The following NEK7 variants were observed in gnomAD, a reference collection of about 807,000 sequenced individuals.
The protein encoded by NEK7 is NIMA related kinase 7.
A neutral mutation model predicts 44.6 loss-of-function variants in NEK7; 18 were observed. The ratio of observed to expected loss-of-function variants is 0.40; its 90% confidence interval spans 0.28 to 0.60. NEK7 has a LOEUF of 0.60. NEK7 is among the 20% of genes least tolerant of loss of function. The probability of loss-of-function intolerance (pLI) is 0.38; values close to 1 mark genes in which losing one functional copy is unlikely to be tolerated. For missense variants in NEK7, 256 were observed against 366.5 expected (o/e 0.70, Z 2.46); for synonymous variants, 130 against 121.1 (o/e 1.07, Z -0.48).
At chr1:198,278,245 TGTAAATTA>T (rs1156578856) in intron 6 of NEK7, among the ~76,000 whole-genome samples, 176 bp downstream of exon 6, 28 of 145,608 alleles carry the variant, frequency 1.9e-4, no homozygotes, top group African/African-American at 6.6e-4. Context: ...TAAATAAGAA[TGTAAATTA>T]ATCTGCTTGA....
At chr1:198,252,087 T>C (rs1312308550) in intron 2 of NEK7, among the ~76,000 whole-genome samples, 4 of 152,172 alleles carry the variant, frequency 2.6e-5, no homozygotes, top group Non-Finnish European at 4.4e-5. Flanking sequence ...TTTGTTCTCG[T>C]TGGTTTCAAA....
chr1:198,169,472 A>G (rs984938214), intron 1 of NEK7, among the ~76,000 whole-genome samples: 2 of 152,164 alleles, frequency 1.3e-5, no homozygotes, highest in African/African-American at 4.8e-5. Context: ...ATGCTGTACC[A>G]TATTGCCTGA....
chr1:198,185,584 T>C (rs1164442142), intron 1 of NEK7, among the ~76,000 whole-genome samples: 2 of 152,152 alleles, frequency 1.3e-5, no homozygotes, highest in Non-Finnish European at 1.5e-5. Flanking sequence ...AAACACCTTA[T>C]TTTGACATAT....
chr1:198,287,432 G>A (rs1333725177), intron 7 of NEK7, among the ~76,000 whole-genome samples: 1 of 152,016 alleles, frequency 6.6e-6, no homozygotes, highest in Non-Finnish European at 1.5e-5. Flanking sequence ...AGCTAGAGAG[G>A]TTCTGTGGAA....
chr1:198,166,679 A>G (rs900494629), intron 1 of NEK7, among the ~76,000 whole-genome samples: 6 of 152,226 alleles, frequency 3.9e-5, no homozygotes, highest in African/African-American at 1.4e-4. Context: ...TGTATCGTTA[A>G]GTTTACCGTT....
At chr1:198,288,396 C>G (rs1258612269) in intron 7 of NEK7, among the ~76,000 whole-genome samples, 5 of 152,150 alleles carry the variant, frequency 3.3e-5, no homozygotes, top group Admixed American at 1.3e-4. Flanking sequence ...GAACCTGGAC[C>G]CTTATTCCTG....
intron 2 of NEK7, among the ~76,000 whole-genome samples, chr1:198,246,969 C>A (rs1666851371): frequency 6.6e-6 from 1 of 152,184 alleles, no homozygotes; most frequent in African/African-American, 2.4e-5. Flanking sequence ...CAATTTAAAA[C>A]ATGTTTCCTT....
chr1:198,262,534 AG>A, intron 3 of NEK7, 40 bp from the exon 4 acceptor site: 1 of 1,203,208 alleles, frequency 8.3e-7, no homozygotes, highest in Admixed American at 1.8e-5. Flanking sequence ...CTTGAACCAT[AG>A]GTTATTATTT....
intron 2 of NEK7, among the ~76,000 whole-genome samples, chr1:198,247,489 T>C (rs1571568874): frequency 6.6e-6 from 1 of 152,340 alleles, no homozygotes; most frequent in Admixed American, 6.5e-5. Flanking sequence ...AGTCCTGATA[T>C]ACAGTGCCTG....
At chr1:198,179,925 C>T (rs1358698796) in intron 1 of NEK7, among the ~76,000 whole-genome samples, 3 of 152,108 alleles carry the variant, frequency 2.0e-5, no homozygotes, top group Admixed American at 1.3e-4. Context: ...TCTTTGCTTT[C>T]TCCTTGTGTA....
intron 3 of NEK7, among the ~76,000 whole-genome samples, chr1:198,259,617 T>A (rs1176567001): frequency 6.6e-6 from 1 of 152,164 alleles, no homozygotes; most frequent in Non-Finnish European, 1.5e-5. Context: ...AAAGTGCAAG[T>A]AGTCTGTGTG....
intron 1 of NEK7, among the ~76,000 whole-genome samples, chr1:198,201,762 GGTGACACCAA>G (rs1345628617): frequency 6.6e-6 from 1 of 152,048 alleles, no homozygotes; most frequent in Non-Finnish European, 1.5e-5. Flanking sequence ...GGAAAATCCA[GGTGACACCAA>G]GACACACTTG....
intron 3 of NEK7, chr1:198,256,386 T>C: frequency 6.2e-7 from 1 of 1,612,034 alleles, no homozygotes; most frequent in South Asian, 1.1e-5. Context: ...TGTTACTTCT[T>C]GGAAATCATA....
At chr1:198,241,414 G>A (rs1456445162) in intron 2 of NEK7, among the ~76,000 whole-genome samples, 1 of 152,210 alleles carries the variant, frequency 6.6e-6, no homozygotes, top group African/African-American at 2.4e-5. Context: ...AATAGAGGAG[G>A]AGGAGTTTCT....
At chr1:198,293,829 A>G (rs1238783804) in intron 8 of NEK7, among the ~76,000 whole-genome samples, 1 of 151,922 alleles carries the variant, frequency 6.6e-6, no homozygotes, top group Non-Finnish European at 1.5e-5. Context: ...AAGTGAGGAA[A>G]TGTAATACAT....
intron 1 of NEK7, among the ~76,000 whole-genome samples, chr1:198,185,315 T>G (rs921122007): frequency 2.6e-5 from 4 of 151,884 alleles, no homozygotes; most frequent in African/African-American, 9.6e-5. Context: ...TGGCAGATAT[T>G]TGCGTTTTTA....
At chr1:198,170,648 A>C (rs773087405) in intron 1 of NEK7, among the ~76,000 whole-genome samples, 7 of 152,220 alleles carry the variant, frequency 4.6e-5, no homozygotes, top group Non-Finnish European at 8.8e-5. Context: ...TAAGGAAATA[A>C]CTGGACGAAT....
intron 9 of NEK7, among the ~76,000 whole-genome samples, chr1:198,306,485 T>C (rs1475232732): frequency 6.6e-6 from 1 of 152,166 alleles, no homozygotes. Flanking sequence ...TTCTAATTAA[T>C]AAATTTTAAA....
At chr1:198,229,694 G>C (rs926083612) in intron 1 of NEK7, among the ~76,000 whole-genome samples, 1 of 152,114 alleles carries the variant, frequency 6.6e-6, no homozygotes, top group Non-Finnish European at 1.5e-5. Flanking sequence ...GAAAGCAGAG[G>C]AAAAACACAG....
Sources: gnomAD v4.1 joint callset for allele counts (sites outside exome capture counted in the v4.1 genomes callset) on GRCh38, gnomAD v4.1.1 for gene constraint, MANE v1.5 for transcripts, NCBI Gene and HGNC (gene_info 2026-07-23, HGNC 2026-07-21) for gene names.